The following DIP2C variants were observed in gnomAD, a reference collection of about 807,000 sequenced individuals.
DIP2C encodes the protein DIP2 acetate--CoA ligase C (putative).
A neutral mutation model predicts 192.4 loss-of-function variants in DIP2C; 33 were observed. The ratio of observed to expected loss-of-function variants is 0.17; its 90% CI spans 0.13 to 0.23. The LOEUF (loss-of-function observed/expected upper bound fraction) is 0.23, where lower values mean the gene tolerates loss of function less well. Among genes scored for constraint, DIP2C ranks in the 10% least tolerant of loss-of-function variants. The pLI, the probability that DIP2C is intolerant of heterozygous loss-of-function variation, is 1.00. For synonymous variants in DIP2C, 979 were observed against 864.1 expected (o/e 1.13, Z -2.33); for missense variants, 1,537 against 2,110.1 (o/e 0.73, Z 5.32).
chr10:612,744 G>T (rs1245277320), intron 1 of DIP2C, among the ~76,000 whole-genome samples: 2 of 152,126 alleles, frequency 1.3e-5, no homozygotes. Flanking sequence ...ACACAAAAAG[G>T]TCCTAATTTA....
chr10:512,120 T>C (rs1225420205), intron 1 of DIP2C, among the ~76,000 whole-genome samples: 1 of 152,260 alleles, frequency 6.6e-6, no homozygotes, highest in Non-Finnish European at 1.5e-5. Context: ...TCAACCTTCC[T>C]AAGCAATGTC....
rs942030836 is a variant in DIP2C at position 524,085 on chromosome 10, G to A, written c.86-37555C>T. Among the ~76,000 whole-genome samples, 32 of 111,670 alleles carry A rather than the reference G, an allele frequency of 2.9e-4. 1 individual carries two copies. In the Middle Eastern group the frequency reaches 0.018, roughly 62 times the overall value. 73.3% of individuals were successfully genotyped at this position (111,670 alleles called of 152,430 possible). ...CCGCCCTCAGTTCTCACGCCCAGCC[G>A]TGACTGGAGCACCCCTTCAGGAAGG... On this transcript the variant is annotated intron_variant, in intron 1 of 36. Coordinates refer to ENST00000280886, the MANE Select transcript of DIP2C (RefSeq NM_014974.3).
intron 2 of DIP2C, among the ~76,000 whole-genome samples, chr10:480,598 G>A (rs191340935): frequency 2.4e-4 from 36 of 152,358 alleles, no homozygotes; most frequent in East Asian, 5.8e-4. Context: ...CAAAACCCAC[G>A]TGAGCAGTTC....
chr10:477,590 T>C (rs1163747432), intron 2 of DIP2C, among the ~76,000 whole-genome samples: 3 of 1,392 alleles, frequency 2.2e-3, no homozygotes, highest in African/African-American at 2.4e-3. Flanking sequence ...AGGTGGGAGA[T>C]GGGGAGGGAG....
intron 24 of DIP2C, 85 bp from the exon 25 acceptor site, chr10:349,539 T>G (rs1281910480): frequency 3.3e-6 from 5 of 1,510,876 alleles, no homozygotes; most frequent in South Asian, 2.5e-5. Flanking sequence ...TACAACTCAC[T>G]GGCGCAAAGC....
chr10:278,925 T>C (rs1276707335), intron 36 of DIP2C, among the ~76,000 whole-genome samples: 1 of 152,164 alleles, frequency 6.6e-6, no homozygotes, highest in Non-Finnish European at 1.5e-5. Context: ...CCAGGGCTGC[T>C]CGTATCTGCT....
intron 2 of DIP2C, among the ~76,000 whole-genome samples, chr10:480,247 A>T (rs1035479341): frequency 4.3e-5 from 6 of 140,956 alleles, no homozygotes; most frequent in African/African-American, 1.6e-4. Flanking sequence ...TCACTGGATG[A>T]GGGTCTCATC....
chr10:593,184 C>T (rs1383596063), intron 1 of DIP2C, among the ~76,000 whole-genome samples: 1 of 152,064 alleles, frequency 6.6e-6, no homozygotes, highest in African/African-American at 2.4e-5. Flanking sequence ...AACCCCAGGA[C>T]ACTCACTGGG....
intron 1 of DIP2C, among the ~76,000 whole-genome samples, chr10:588,593 G>A (rs1255461611): frequency 6.6e-6 from 1 of 152,192 alleles, no homozygotes; most frequent in Non-Finnish European, 1.5e-5. Flanking sequence ...CCCGGCAGAG[G>A]TCCCAGGAGG....
At chr10:638,630 A>G (rs974684319) in intron 1 of DIP2C, among the ~76,000 whole-genome samples, 2 of 152,210 alleles carry the variant, frequency 1.3e-5, no homozygotes, top group African/African-American at 4.8e-5. Flanking sequence ...GTGAGTTTCA[A>G]GAAAAGGGCT....
In DIP2C at chr10:643,437, C is replaced by T. The variant is rs1855302673; in HGVS notation, c.85+46057G>A. ...GCTGAGGCAGGAGAATGGCACGAAC[C>T]CGGGAGGCGGAGCCTGCAGTGAACT... On this transcript the variant is annotated intron_variant, in intron 1 of 36. Transcript: ENST00000280886. 4.6e-5 allele frequency among the ~76,000 whole-genome samples: 7 copies of T among 150,744 alleles called. No individual in the cohort carries two copies. The South Asian group carries it at 1.5e-3, about 32-fold the overall frequency.
chr10:312,699 C>T (rs1178147507), intron 31 of DIP2C, among the ~76,000 whole-genome samples: 1 of 152,096 alleles, frequency 6.6e-6, no homozygotes, highest in Non-Finnish European at 1.5e-5. Flanking sequence ...TCTCAGCACC[C>T]TTATGTTTGA....
chr10:435,818 C>T (rs747855816), intron 4 of DIP2C, among the ~76,000 whole-genome samples: 1 of 152,108 alleles, frequency 6.6e-6, no homozygotes, highest in Non-Finnish European at 1.5e-5. Context: ...CGTTCTTTGA[C>T]ACATTTTAAT....
chr10:304,071 A>C (rs1279270622), intron 32 of DIP2C, among the ~76,000 whole-genome samples: 1 of 152,172 alleles, frequency 6.6e-6, no homozygotes, highest in Admixed American at 6.5e-5. Flanking sequence ...TTTATTGTTA[A>C]GTATAGAGAA....
intron 1 of DIP2C, among the ~76,000 whole-genome samples, chr10:595,929 G>A (rs1046647865): frequency 6.6e-5 from 10 of 152,152 alleles, no homozygotes; most frequent in South Asian, 4.1e-4. Context: ...ATTAGAAAGC[G>A]GAGGAAAAAG....
chr10:528,725 T>C (rs1361424121), intron 1 of DIP2C, among the ~76,000 whole-genome samples: 5 of 152,156 alleles, frequency 3.3e-5, no homozygotes, highest in Non-Finnish European at 5.9e-5. Context: ...TGTGGATCCA[T>C]ACAACGGTGC....
chr10:414,756 T>TATATATATATATATAA (rs1435691808), intron 7 of DIP2C, among the ~76,000 whole-genome samples: 2 of 132,766 alleles, frequency 1.5e-5, no homozygotes, highest in African/African-American at 2.9e-5. Context: ...TATATATATA[T>TATATATATATATATAA]AATGTGTATA....
chr10:603,389 A>C (rs1361208709), intron 1 of DIP2C, among the ~76,000 whole-genome samples: 3 of 148,610 alleles, frequency 2.0e-5, no homozygotes, highest in African/African-American at 7.5e-5. Flanking sequence ...TCTATACCCC[A>C]ACCCTTATTC....
At chr10:301,756 G>A (rs1268330478) in intron 32 of DIP2C, among the ~76,000 whole-genome samples, 1 of 152,206 alleles carries the variant, frequency 6.6e-6, no homozygotes, top group Non-Finnish European at 1.5e-5. Context: ...CTTGCAGGGT[G>A]GCCACAGTGC....
Sources: allele counts gnomAD v4.1 joint callset (sites outside exome capture counted in the v4.1 genomes callset), GRCh38; gene constraint gnomAD v4.1.1; transcripts MANE v1.5; gene names NCBI Gene and HGNC (gene_info 2026-07-23, HGNC 2026-07-21).